The following DYNC2H1 variants were observed in gnomAD, a reference collection of about 807,000 sequenced individuals.
DYNC2H1 encodes the protein dynein cytoplasmic 2 heavy chain 1.
Under a neutral mutation model 570.0 loss-of-function variants are expected in DYNC2H1, and 410 were observed. The observed-to-expected ratio is 0.72, with a 90% CI of 0.66 to 0.78. The LOEUF (loss-of-function observed/expected upper bound fraction) is 0.78. Ranked by LOEUF, DYNC2H1 falls within the 30% of genes least tolerant of loss-of-function variation. DYNC2H1 has a pLI of 0.00. For missense variants in DYNC2H1, 4,865 were observed against 5,046.4 expected (o/e 0.96, Z 1.09); for synonymous variants, 1,688 against 1,677.6 (o/e 1.01, Z -0.15).
rs368273539 is a variant in DYNC2H1 at position 103,154,775 on chromosome 11, C to T, written c.3539C>T (p.Thr1180Ile). The stretch of plus-strand genomic sequence containing the variant: ...AAGGTTGAAGAACATTCAGTGATGA[C>T]AGTGAAATTACAATCAGAGGTTGAC... Reference protein sequence around the residue: ...LRKVEEHSVMTVKLQSEVDKY... With the variant: ...LRKVEEHSVMIVKLQSEVDKY... Residue 1180 changes from threonine to isoleucine, a missense_variant, in exon 24 of 89, where the codon ACA becomes ATA. Around this residue, in one of 5 missense-constraint regions of DYNC2H1, gnomAD observed 1,936 missense variants for 1,962.1 expected, o/e 0.99. Coordinates refer to ENST00000375735, the MANE Select transcript of DYNC2H1 (RefSeq NM_001377.3). 129 of 1,555,860 alleles carry T rather than the reference C, an allele frequency of 8.3e-5. No homozygotes were observed. Among genetic ancestry groups the T allele is most frequent in the Non-Finnish European group, 1.1e-4 (125 of 1,151,108 alleles).
rs188965885 is a variant in DYNC2H1 at position 103,199,410 on chromosome 11, G to A, written c.8022G>A (p.Ala2674=). The A allele has an allele frequency of 2.6e-5, 42 of 1,612,210 alleles. No homozygotes were observed. Among genetic ancestry groups the A allele is most frequent in the South Asian group, 1.2e-4 (11 of 90,866 alleles). The stretch of plus-strand genomic sequence containing the variant: ...CTTTAGTCAGTCACATGCATGGAGC[G>A]GTCCTGTTTTCTCCAAAGATTTCCA... ...ITSLVSHMHG[A]VLFSPKISRG... Residue 2674 remains alanine, a synonymous_variant, in exon 49 of 89, where the codon GCG becomes GCA. Coordinates refer to ENST00000375735, the MANE Select transcript of DYNC2H1 (RefSeq NM_001377.3). The surrounding 1 kb of genome is among the most constrained non-coding windows in gnomAD (Gnocchi z 4.6).
intron 19 of DYNC2H1, 98 bp downstream of exon 19, chr11:103,147,985 C>T (rs1860330878): frequency 3.5e-6 from 3 of 845,548 alleles, no homozygotes; most frequent in African/African-American, 1.7e-5. Context: ...TCATTAAAAA[C>T]CAAAACTGAA....
chr11:103,115,017 A>G (rs1858306402), intron 3 of DYNC2H1, among the ~76,000 whole-genome samples, 160 bp from the exon 4 acceptor site: 1 of 152,208 alleles, frequency 6.6e-6, no homozygotes, highest in Non-Finnish European at 1.5e-5. Context: ...CACTTTGTTT[A>G]TAGTATGAAA....
At chr11:103,115,587 C>T (rs1858345175) in intron 4 of DYNC2H1, among the ~76,000 whole-genome samples, 1 of 152,140 alleles carries the variant, frequency 6.6e-6, no homozygotes, top group South Asian at 2.1e-4. Context: ...CACTTGAGGT[C>T]AGGAGTTCGA....
intron 18 of DYNC2H1, among the ~76,000 whole-genome samples, chr11:103,144,118 G>A (rs1029283041): frequency 6.6e-6 from 1 of 152,168 alleles, no homozygotes; most frequent in African/African-American, 2.4e-5. Flanking sequence ...AGTGCAATAA[G>A]ACAAATATAT....
At chr11:103,389,746 C>T (rs1439087291) in intron 83 of DYNC2H1, among the ~76,000 whole-genome samples, 3 of 151,828 alleles carry the variant, frequency 2.0e-5, no homozygotes, top group East Asian at 1.9e-4. Context: ...GCCTTCATTT[C>T]GTTATGTACC....
At chr11:103,247,201 C>T (rs1263840660) in intron 65 of DYNC2H1, among the ~76,000 whole-genome samples, 2 of 151,990 alleles carry the variant, frequency 1.3e-5, no homozygotes, top group African/African-American at 2.4e-5. Context: ...TTCTATTAAG[C>T]ATTCTAATCC....
intron 15 of DYNC2H1, among the ~76,000 whole-genome samples, chr11:103,135,292 T>A (rs1029768446): frequency 5.9e-5 from 9 of 152,180 alleles, no homozygotes; most frequent in Non-Finnish European, 1.2e-4. Flanking sequence ...ATAGTATTTA[T>A]AAGTATGAAG....
At chr11:103,347,756 A>C (rs571257444) in intron 82 of DYNC2H1, among the ~76,000 whole-genome samples, 2 of 152,276 alleles carry the variant, frequency 1.3e-5, no homozygotes, top group East Asian at 3.9e-4. Flanking sequence ...AGCTATTAGC[A>C]CTTTTCTCCA....
intron 84 of DYNC2H1, among the ~76,000 whole-genome samples, chr11:103,425,949 A>G (rs1218463978): frequency 9.5e-6 from 1 of 105,580 alleles, no homozygotes; most frequent in African/African-American, 4.4e-5. Flanking sequence ...AACTGGCCAT[A>G]AACAAAATCT....
chr11:103,221,961 A>G, intron 57 of DYNC2H1, 69 bp from the exon 58 acceptor site: 12 of 1,549,700 alleles, frequency 7.7e-6, no homozygotes, highest in Non-Finnish European at 1.1e-5. Flanking sequence ...CCATTTTGTT[A>G]AACTGATTTT....
chr11:103,197,509 G>A (rs1862548634), intron 47 of DYNC2H1, among the ~76,000 whole-genome samples: 1 of 152,044 alleles, frequency 6.6e-6, no homozygotes, highest in Admixed American at 6.6e-5. Flanking sequence ...GTGCGGTGGT[G>A]CAATCATGGC....
intron 76 of DYNC2H1, 51 bp downstream of exon 76, chr11:103,303,304 A>G: frequency 6.4e-7 from 1 of 1,558,602 alleles, no homozygotes; most frequent in Non-Finnish European, 8.7e-7. Flanking sequence ...CTGTTCCCAC[A>G]CTTGATGATA....
intron 82 of DYNC2H1, 45 bp from the exon 83 acceptor site, chr11:103,358,198 C>A: frequency 8.6e-7 from 1 of 1,160,982 alleles, no homozygotes; most frequent in Non-Finnish European, 1.2e-6. Context: ...TCCTGTTCGG[C>A]TGAAGTTCTT....
At chr11:103,312,565 A>AAAAAAAAAT (rs1867649277) in intron 79 of DYNC2H1, among the ~76,000 whole-genome samples, 1 of 76,554 alleles carries the variant, frequency 1.3e-5, no homozygotes, top group South Asian at 4.2e-4. Context: ...AAAAAAAAAA[A>AAAAAAAAAT]ACCAATTGTA....
At chr11:103,125,410 C>CTGTGAAATT (rs1858944288) in intron 12 of DYNC2H1, 115 bp downstream of exon 12, 1 of 751,252 alleles carries the variant, frequency 1.3e-6, no homozygotes, top group Non-Finnish European at 1.9e-6. Flanking sequence ...GCACTGCCAG[C>CTGTGAAATT]TGTGAAATTA....
At chr11:103,292,865 C>G (rs577143302) in intron 75 of DYNC2H1, among the ~76,000 whole-genome samples, 1 of 152,364 alleles carries the variant, frequency 6.6e-6, no homozygotes, top group Non-Finnish European at 1.5e-5. Context: ...TGGTACCATG[C>G]TGGCAGAATC....
chr11:103,165,469 T>C (rs1384670900), intron 30 of DYNC2H1, among the ~76,000 whole-genome samples: 6 of 152,146 alleles, frequency 3.9e-5, no homozygotes. Flanking sequence ...AATTTTGCTA[T>C]CGTAGACTTC....
At chr11:103,206,146 A>G (rs1485423671) in intron 52 of DYNC2H1, among the ~76,000 whole-genome samples, 2 of 152,136 alleles carry the variant, frequency 1.3e-5, no homozygotes, top group Admixed American at 6.6e-5. Flanking sequence ...TTCTGCATAC[A>G]TTTTGCAGTA....
Sources: allele counts gnomAD v4.1 joint callset (sites outside exome capture counted in the v4.1 genomes callset), GRCh38; gene constraint gnomAD v4.1.1; regional missense constraint gnomAD v4.1.1; non-coding constraint Gnocchi (gnomAD v3.1); transcripts MANE v1.5; gene names NCBI Gene and HGNC (gene_info 2026-07-23, HGNC 2026-07-21).